LCN10: variants seen among roughly 807,000 people sequenced by gnomAD.
The protein encoded by LCN10 is lipocalin 10.
In LCN10, 18 loss-of-function variants were observed where a neutral mutation model predicts 25.1. The ratio of observed to expected loss-of-function variants is 0.72; its 90% confidence interval spans 0.50 to 1.06. The LOEUF (loss-of-function observed/expected upper bound fraction) is 1.06. Among genes scored for constraint, LCN10 ranks in the 50% least tolerant of loss-of-function variants. The pLI is 0.00. For missense variants in LCN10, 257 were observed against 258.9 expected, an observed-to-expected ratio of 0.99 and a Z score of 0.05; for synonymous variants, 130 against 116.7, an observed-to-expected ratio of 1.11 and a Z score of -0.73.
In LCN10 at chr9:136,740,376, T is replaced by C; in HGVS notation, c.476-328A>G. 2.2e-6 allele frequency: 1 copy of C among 457,914 alleles called. No individual in the cohort carries two copies. Among genetic ancestry groups the C allele is most frequent in the South Asian group, 2.3e-5 (1 of 43,044 alleles). The allele number at this position is 457,914 out of a possible 1,614,324, so 28.4% of individuals were successfully genotyped here. ...TGAGACCCCAGGACCCCACCTCCCC[T>C]CTACCCGTTCCAACCGGGAGGGCCA... On this transcript the variant is annotated intron_variant, in intron 4 of 5. Coordinates refer to ENST00000497771, the MANE Select transcript of LCN10 (RefSeq NM_001001712.3). The surrounding 1 kb of genome is among the most constrained non-coding windows in gnomAD (Gnocchi z 5.3).
Position 136,740,995 on chromosome 9 carries a change from C to G in LCN10, c.368-52G>C. On this transcript the variant is annotated intron_variant, in intron 3 of 5. Coordinates refer to ENST00000497771, the MANE Select transcript of LCN10 (RefSeq NM_001001712.3). The surrounding 1 kb of genome is among the most constrained non-coding windows in gnomAD (Gnocchi z 5.3). ...CTGGTTCCCGGATGGCGTGGCTGTG[C>G]CCGCCCACAGCCCTGACCCCTGGTG... 1 of 1,481,970 alleles carries G rather than the reference C, an allele frequency of 6.7e-7. No individual in the cohort carries two copies. The highest frequency in any genetic ancestry group is 9.4e-7 in the Non-Finnish European group (1 of 1,067,852). The allele number at this position is 1,481,970 out of a possible 1,614,324, so 91.8% of individuals were successfully genotyped here. A position where few individuals can be genotyped will look rare whatever the true frequency, so the allele number is the denominator to read the frequency against.
Position 136,740,820 on chromosome 9 carries a change from C to A in LCN10, c.475+16G>T. On this transcript the variant is annotated intron_variant, in intron 4 of 5. Coordinates refer to ENST00000497771, the MANE Select transcript of LCN10 (RefSeq NM_001001712.3). This position sits in a 1 kb window ranked among gnomAD's most constrained non-coding sequence, Gnocchi z 5.3. ...ACCCCCTCCACCATCCTCTGCCATC[C>A]GCTGTGCCTGCTCACGGAAGAGCAG... 1 of 1,602,446 alleles carries A rather than the reference C, an allele frequency of 6.2e-7. No homozygotes were observed. Among genetic ancestry groups the A allele is most frequent in the Non-Finnish European group, 8.5e-7 (1 of 1,173,274 alleles).
chr9:136,742,370 A>G (rs1846956566), intron 1 of LCN10: 1 of 398,366 alleles, frequency 2.5e-6, no homozygotes, highest in African/African-American at 2.1e-5. Flanking sequence ...CCGGCCCCCA[A>G]CTCTGCCTGC....
Position 136,740,172 on chromosome 9 carries a change from G to C in LCN10, c.476-124C>G. The C allele has an allele frequency of 1.3e-6, 1 of 745,152 alleles. No homozygotes were observed. Among genetic ancestry groups the C allele is most frequent in the Non-Finnish European group, 2.4e-6 (1 of 423,502 alleles). 46.2% of individuals were successfully genotyped at this position (745,152 alleles called of 1,614,324 possible). A position where few individuals can be genotyped will look rare whatever the true frequency, so the allele number is the denominator to read the frequency against. On this transcript the variant is annotated intron_variant, in intron 4 of 5. Coordinates refer to ENST00000497771, the MANE Select transcript of LCN10 (RefSeq NM_001001712.3). This position sits in a 1 kb window ranked among gnomAD's most constrained non-coding sequence, Gnocchi z 5.3. ...CCTCAGAGCTTAGGCGTGAAGCAGG[G>C]GTTGGCCAGGGGAGGACAGCGGCCG...
Position 136,740,823 on chromosome 9 carries a change from T to C in LCN10, c.475+13A>G. On this transcript the variant is annotated intron_variant, in intron 4 of 5. Transcript: ENST00000497771. The surrounding 1 kb of genome is among the most constrained non-coding windows in gnomAD (Gnocchi z 5.3). ...CCCTCCACCATCCTCTGCCATCCGCTGTGCCTGCTCACGGAAGAGCAGCAG... is the reference window on the plus strand; with the variant it reads ...CCCTCCACCATCCTCTGCCATCCGCCGTGCCTGCTCACGGAAGAGCAGCAG... 6.2e-7 allele frequency: 1 copy of C among 1,603,974 alleles called. No individual in the cohort carries two copies. Among genetic ancestry groups the C allele is most frequent in the South Asian group, 1.1e-5 (1 of 90,644 alleles).
chr9:136,739,297 G>A lies in LCN10; in HGVS notation c.*228C>T, dbSNP rs1846883169. ...TGCAGTGTGCTCCAGAAGACAGTGGGGAAGGGGCCTGGCTGACATCTCGCC... is the reference window on the plus strand; with the variant it reads ...TGCAGTGTGCTCCAGAAGACAGTGGAGAAGGGGCCTGGCTGACATCTCGCC... On this transcript the variant is annotated 3_prime_UTR_variant, in exon 6 of 6. Transcript: ENST00000497771. The surrounding 1 kb of genome is among the most constrained non-coding windows in gnomAD (Gnocchi z 6.1). 3.6e-6 allele frequency: 2 copies of A among 557,842 alleles called. No individual in the cohort carries two copies. Among genetic ancestry groups the A allele is most frequent in the Non-Finnish European group, 6.5e-6 (2 of 309,332 alleles). 34.6% of individuals were successfully genotyped at this position (557,842 alleles called of 1,614,324 possible).
At chr9:136,741,743 T>G in intron 2 of LCN10, 138 bp downstream of exon 2, 3 of 1,222,278 alleles carry the variant, frequency 2.5e-6, no homozygotes, top group Non-Finnish European at 3.3e-6. Flanking sequence ...TTCCTCTGAG[T>G]TTAGGGGGAG....
chr9:136,739,222 T>C lies in LCN10; in HGVS notation c.*303A>G, dbSNP rs1846882131. The C allele has an allele frequency of 2.5e-6, 1 of 394,300 alleles. No individual in the cohort carries two copies. The highest frequency in any genetic ancestry group is 4.7e-6 in the Non-Finnish European group (1 of 210,746). The allele number at this position is 394,300 out of a possible 1,614,324, so 24.4% of individuals were successfully genotyped here. On this transcript the variant is annotated 3_prime_UTR_variant, in exon 6 of 6. Coordinates refer to ENST00000497771, the MANE Select transcript of LCN10 (RefSeq NM_001001712.3). The surrounding 1 kb of genome is among the most constrained non-coding windows in gnomAD (Gnocchi z 6.1). ...GGCAAGGCACACGGCGAGGACTGCG[T>C]TGGGCCGGCCTGTGGTCTGTTTCAC...
Position 136,739,735 on chromosome 9 carries a change from C to G in LCN10, c.575-182G>C, listed in dbSNP as rs1188832727. 1.4e-6 allele frequency: 1 copy of G among 736,322 alleles called. No homozygotes were observed. The highest frequency in any genetic ancestry group is 2.4e-6 in the Non-Finnish European group (1 of 425,454). 45.6% of individuals were successfully genotyped at this position (736,322 alleles called of 1,614,324 possible). Reference sequence around the variant, plus strand: ...CACGGCATCGCCTGGTCGGATGCAGCATCTGCTCCGGACGCCTCTCGCTGT... The same window carrying G: ...CACGGCATCGCCTGGTCGGATGCAGGATCTGCTCCGGACGCCTCTCGCTGT... On this transcript the variant is annotated intron_variant, in intron 5 of 5. Transcript: ENST00000497771. This position sits in a 1 kb window ranked among gnomAD's most constrained non-coding sequence, Gnocchi z 6.1.
rs1250845109 is a variant in LCN10 at position 136,739,877 on chromosome 9, C to T, written c.574+73G>A. 2 of 1,182,704 alleles carry T rather than the reference C, an allele frequency of 1.7e-6. No homozygotes were observed. The highest frequency in any genetic ancestry group is 2.6e-5 in the East Asian group (1 of 39,172). The allele number at this position is 1,182,704 out of a possible 1,614,324, so 73.3% of individuals were successfully genotyped here. ...AAATGGATCCTTTCATCTCTCCTTC[C>T]CCCAATGAATCAGCTCCCCAATGGG... On this transcript the variant is annotated intron_variant, in intron 5 of 5. Coordinates refer to ENST00000497771, the MANE Select transcript of LCN10 (RefSeq NM_001001712.3). The surrounding 1 kb of genome is among the most constrained non-coding windows in gnomAD (Gnocchi z 6.1).
At chr9:136,741,752 A>T in intron 2 of LCN10, 129 bp downstream of exon 2, 2 of 1,267,542 alleles carry the variant, frequency 1.6e-6, no homozygotes, top group Non-Finnish European at 2.1e-6. Flanking sequence ...GTTTAGGGGG[A>T]GGAAGTGGGG....
rs1846953002 is a variant in LCN10 at position 136,742,249 on chromosome 9, G to T, written c.118-229C>A. On this transcript the variant is annotated intron_variant, in intron 1 of 5. Coordinates refer to ENST00000497771, the MANE Select transcript of LCN10 (RefSeq NM_001001712.3). ...AGGGACCCCAGGCAGCAAAGGGCTG[G>T]GCTGTGGGCGCCAGCAGGTGGGAGG... The T allele has an allele frequency of 2.2e-5, 12 of 553,688 alleles. No individual in the cohort carries two copies. The East Asian group carries it at 2.8e-4, about 13-fold the overall frequency. 34.3% of individuals were successfully genotyped at this position (553,688 alleles called of 1,614,324 possible). A position where few individuals can be genotyped will look rare whatever the true frequency, so the allele number is the denominator to read the frequency against.
chr9:136,742,646 G>C, intron 1 of LCN10, 141 bp downstream of exon 1: 2 of 1,062,564 alleles, frequency 1.9e-6, no homozygotes, highest in Non-Finnish European at 2.6e-6. Context: ...GGAGGCTGCA[G>C]TGGGAGAGGC....
In LCN10 at chr9:136,741,349, G is replaced by T; in HGVS notation, c.270C>A (p.Cys90Ter). The T allele has an allele frequency of 1.2e-6, 2 of 1,611,750 alleles. No individual in the cohort carries two copies. Among genetic ancestry groups the T allele is most frequent in the Non-Finnish European group, 8.5e-7 (1 of 1,179,584 alleles). ...VLLAFRRLKG[C>*]QSQEVILRKD... ...TCCTCAGGATCACCTCCTGGGACTGGCACCCCTTCAACCTGGGGCCAAGGC... is the reference window on the plus strand; with the variant it reads ...TCCTCAGGATCACCTCCTGGGACTGTCACCCCTTCAACCTGGGGCCAAGGC... The change falls in exon 3 of 6, where the codon TGC becomes TGA. Residue 90 changes from cysteine to a stop codon, truncating the protein, a stop_gained. Coordinates refer to ENST00000497771, the MANE Select transcript of LCN10 (RefSeq NM_001001712.3). LOFTEE classifies it high-confidence loss of function.
chr9:136,740,807 A>C lies in LCN10; in HGVS notation c.475+29T>G. 1 of 1,554,926 alleles carries C rather than the reference A, an allele frequency of 6.4e-7. No homozygotes were observed. The highest frequency in any genetic ancestry group is 8.7e-7 in the Non-Finnish European group (1 of 1,144,008). On this transcript the variant is annotated intron_variant, in intron 4 of 5. Coordinates refer to ENST00000497771, the MANE Select transcript of LCN10 (RefSeq NM_001001712.3). The surrounding 1 kb of genome is among the most constrained non-coding windows in gnomAD (Gnocchi z 5.3). ...TGCCTCCCTCTGCACCCCCTCCACC[A>C]TCCTCTGCCATCCGCTGTGCCTGCT...
intron 1 of LCN10, chr9:136,742,508 G>T (rs886460759): frequency 7.5e-6 from 4 of 531,588 alleles, no homozygotes; most frequent in Non-Finnish European, 1.3e-5. Context: ...TGCACTCTGG[G>T]CGTCTCCCGA....
chr9:136,740,715 G>C lies in LCN10; in HGVS notation c.475+121C>G. The C allele has an allele frequency of 1.0e-5, 7 of 675,944 alleles. No homozygotes were observed. Among genetic ancestry groups the C allele is most frequent in the South Asian group, 7.4e-5 (4 of 53,766 alleles). 41.9% of individuals were successfully genotyped at this position (675,944 alleles called of 1,614,324 possible). ...TTCCATTGCCCCTGCCCTGACCACC[G>C]CCCCAACCCCCACTCTCCCTGCCCG... On this transcript the variant is annotated intron_variant, in intron 4 of 5. Transcript: ENST00000497771. The surrounding 1 kb of genome is among the most constrained non-coding windows in gnomAD (Gnocchi z 5.3).
intron 1 of LCN10, chr9:136,742,581 C>T (rs552832322): frequency 3.0e-5 from 19 of 623,256 alleles, no homozygotes; most frequent in Non-Finnish European, 4.6e-5. Context: ...CCTGGGCCCC[C>T]GAACCCCCTC....
In LCN10 at chr9:136,740,233, G is replaced by C. The variant is rs371848904; in HGVS notation, c.476-185C>G. The C allele has an allele frequency of 8.2e-6, 5 of 610,038 alleles. No homozygotes were observed. The highest frequency in any genetic ancestry group is 7.3e-5 in the African/African-American group (4 of 54,554). 37.8% of individuals were successfully genotyped at this position (610,038 alleles called of 1,614,324 possible). ...CCCCACTTACGAGGCAGCCAGGCTC[G>C]GGAAGCCAGGGTCACCACGCTGTCA... On this transcript the variant is annotated intron_variant, in intron 4 of 5. Transcript: ENST00000497771. The surrounding 1 kb of genome is among the most constrained non-coding windows in gnomAD (Gnocchi z 5.3).
Sources: gnomAD v4.1 joint callset for allele counts on GRCh38, gnomAD v4.1.1 for gene constraint, Gnocchi (gnomAD v3.1) non-coding constraint, MANE v1.5 for transcripts, NCBI Gene and HGNC (gene_info 2026-07-23, HGNC 2026-07-21) for gene names.